Variants in DIABLO observed in about 807,000 individuals in gnomAD.
The protein encoded by DIABLO is diablo IAP-binding mitochondrial protein.
Under a neutral mutation model 31.7 loss-of-function variants are expected in DIABLO, and 32 were observed. The observed-to-expected ratio is 1.01, with a 90% CI of 0.76 to 1.35. DIABLO has a LOEUF of 1.35. Among genes scored for constraint, DIABLO ranks in the 40% most tolerant of loss-of-function variants. DIABLO has a pLI of 0.00. For missense variants in DIABLO, 316 were observed against 286.4 expected, an observed-to-expected ratio of 1.10 and a Z score of -0.75; for synonymous variants, 132 against 103.2, an observed-to-expected ratio of 1.28 and a Z score of -1.69.
chr12:122,213,155 C>T (rs1391008641), intron 5 of DIABLO, among the ~76,000 whole-genome samples: 1 of 150,482 alleles, frequency 6.6e-6, no homozygotes, highest in East Asian at 2.0e-4. Flanking sequence ...CTCAAGTGAT[C>T]CACCTGCTTA....
intron 2 of DIABLO, among the ~76,000 whole-genome samples, chr12:122,223,433 TAA>T (rs34214105): frequency 2.3e-4 from 32 of 139,892 alleles, no homozygotes; most frequent in Admixed American, 2.8e-4. Context: ...ACTCTGTCTT[TAA>T]AAAAAAAAAA....
intron 5 of DIABLO, among the ~76,000 whole-genome samples, chr12:122,214,195 C>CT: frequency 6.6e-6 from 1 of 152,186 alleles, no homozygotes; most frequent in African/African-American, 2.4e-5. Context: ...TGTTTTATAT[C>CT]TTTTCTTTGA....
At chr12:122,224,953 TA>T (rs5801478) in intron 1 of DIABLO, 801 of 695,906 alleles carry the variant, frequency 1.2e-3, no homozygotes, top group Non-Finnish European at 1.4e-3. Flanking sequence ...CCGTGTCTAT[TA>T]AAAAAAAATA....
upstream of DIABLO, among the ~76,000 whole-genome samples, chr12:122,226,903 G>A (rs1054146994): frequency 3.9e-5 from 6 of 152,202 alleles, no homozygotes; most frequent in Non-Finnish European, 8.8e-5. Context: ...CCGCTAATGC[G>A]CTGGTGGAGT....
intron 5 of DIABLO, among the ~76,000 whole-genome samples, chr12:122,213,892 C>G (rs1248059744): frequency 6.6e-6 from 1 of 152,120 alleles, no homozygotes; most frequent in East Asian, 1.9e-4. Flanking sequence ...CAAGACCGGT[C>G]TGGCCAACAT....
At chr12:122,212,379 A>G (rs1207716122) in intron 5 of DIABLO, among the ~76,000 whole-genome samples, 2 of 152,190 alleles carry the variant, frequency 1.3e-5, no homozygotes, top group Non-Finnish European at 2.9e-5. Flanking sequence ...GTTCTTCCAG[A>G]AAGTGTATAC....
upstream of DIABLO, among the ~76,000 whole-genome samples, chr12:122,226,893 C>T (rs924391295): frequency 2.8e-4 from 42 of 152,336 alleles, no homozygotes; most frequent in African/African-American, 1.0e-3. Flanking sequence ...GCTGTGAGTG[C>T]CGCTAATGCG....
chr12:122,209,799 T>C (rs1348575465), intron 5 of DIABLO: 4 of 703,472 alleles, frequency 5.7e-6, no homozygotes, highest in Non-Finnish European at 1.0e-5. Context: ...TTCAGGACAA[T>C]GTTGACAGGT....
intron 5 of DIABLO, among the ~76,000 whole-genome samples, chr12:122,209,104 A>C (rs1954015837): frequency 6.6e-6 from 1 of 152,212 alleles, no homozygotes; most frequent in South Asian, 2.1e-4. Context: ...TCACGCCTCT[A>C]ATCTCAGAAC....
intron 5 of DIABLO, among the ~76,000 whole-genome samples, chr12:122,213,506 G>GAAAA (rs1444857420): frequency 1.6e-5 from 1 of 61,924 alleles, no homozygotes; most frequent in African/African-American, 1.6e-4. Context: ...CTTGTCTCAG[G>GAAAA]GAAAAAAAAA....
rs1377766718 is a variant in DIABLO, at chr12:122,225,498, T to TTG, written c.50+465_50+466dup. 4 of 1,032,588 alleles carry TTG rather than the reference T, an allele frequency of 3.9e-6. No homozygotes were observed. In the African/African-American group the frequency reaches 6.9e-5, roughly 18 times the overall value. 64.0% of individuals were successfully genotyped at this position (1,032,588 alleles called of 1,614,324 possible). On this transcript the variant is annotated intron_variant, in intron 1 of 5. Coordinates refer to ENST00000464942, the MANE Select transcript of DIABLO (RefSeq NM_001371333.1). Reference sequence around the variant, plus strand: ...TCTGGACCCCTGGCCTGGGTGCCAGTTGTGTGTGACGGTCCCGCTACAATC... The same window carrying TTG: ...TCTGGACCCCTGGCCTGGGTGCCAGTTGTGTGTGTGACGGTCCCGCTACAATC...
chr12:122,218,445 A>G, intron 2 of DIABLO, 48 bp from the exon 3 acceptor site: 1 of 1,613,302 alleles, frequency 6.2e-7, no homozygotes, highest in Non-Finnish European at 8.5e-7. Context: ...TCAAACTGAG[A>G]ACTTTTTCAC....
intron 1 of DIABLO, chr12:122,225,544 A>G (rs1954441070): frequency 1.8e-6 from 2 of 1,124,432 alleles, no homozygotes; most frequent in Non-Finnish European, 2.2e-6. Context: ...CTGCAGCGCT[A>G]GGTAGAGAGC....
intron 5 of DIABLO, among the ~76,000 whole-genome samples, chr12:122,213,310 A>G (rs917936922): frequency 3.3e-5 from 5 of 151,428 alleles, no homozygotes; most frequent in Non-Finnish European, 7.4e-5. Context: ...CGGGTGGATC[A>G]CTTGAGCTCA....
chr12:122,208,252 G>T lies in DIABLO; in HGVS notation c.*129C>A. On this transcript the variant is annotated 3_prime_UTR_variant, in exon 6 of 6. Coordinates refer to ENST00000464942, the MANE Select transcript of DIABLO (RefSeq NM_001371333.1). ...CACTCACAGCTCACAAAGGCGTCTC[G>T]CCTGATTGGCCAGGGCAGGATCTGC... The T allele has an allele frequency of 9.1e-7, 1 of 1,103,654 alleles. No individual in the cohort carries two copies. The highest frequency in any genetic ancestry group is 1.3e-6 in the Non-Finnish European group (1 of 745,622). 68.4% of individuals were successfully genotyped at this position (1,103,654 alleles called of 1,614,324 possible). A position where few individuals can be genotyped will look rare whatever the true frequency, so the allele number is the denominator to read the frequency against.
chr12:122,215,954 T>G (rs998948267), intron 5 of DIABLO, among the ~76,000 whole-genome samples: 1 of 149,906 alleles, frequency 6.7e-6, no homozygotes, highest in Non-Finnish European at 1.5e-5. Context: ...CCATACCGTG[T>G]CATCTTAGCC....
upstream of DIABLO, chr12:122,226,394 G>GGGCGGGA (rs1167421042): frequency 2.9e-6 from 2 of 685,724 alleles, no homozygotes; most frequent in Non-Finnish European, 2.6e-6. Context: ...AGGCGGGGCC[G>GGGCGGGA]GGCGGGAGGC....
At chr12:122,216,631 C>A in intron 4 of DIABLO, 47 bp from the exon 5 acceptor site, 1 of 1,586,556 alleles carries the variant, frequency 6.3e-7, no homozygotes, top group Non-Finnish European at 8.7e-7. Context: ...GAGGTCTAGC[C>A]CATTTAAATG....
intron 5 of DIABLO, 148 bp from the exon 6 acceptor site, chr12:122,208,725 A>C (rs1954002836): frequency 1.3e-6 from 1 of 779,592 alleles, no homozygotes; most frequent in African/African-American, 1.7e-5. Context: ...TCTGCAAAGA[A>C]ACTTCCACCT....
Sources: gnomAD v4.1 joint callset for allele counts (sites outside exome capture counted in the v4.1 genomes callset) on GRCh38, gnomAD v4.1.1 for gene constraint, MANE v1.5 for transcripts, NCBI Gene and HGNC (gene_info 2026-07-23, HGNC 2026-07-21) for gene names.